DENND1B: variants seen among roughly 807,000 people sequenced by gnomAD.
DENND1B encodes the protein DENN domain-containing protein 1B.
A neutral mutation model predicts 90.1 loss-of-function variants in DENND1B; 59 were observed. The ratio of observed to expected loss-of-function variants is 0.65; its 90% CI spans 0.53 to 0.81. The LOEUF (loss-of-function observed/expected upper bound fraction) is 0.81. Ranked by LOEUF, DENND1B falls within the 40% of genes least tolerant of loss-of-function variation. DENND1B has a pLI of 0.00. For synonymous variants in DENND1B, 337 were observed against 324.6 expected (o/e 1.04, Z -0.41); for missense variants, 862 against 912.6 (o/e 0.94, Z 0.71).
chr1:197,731,831 TTTCTCAAGCTACACAGCA>T (rs1271924639), intron 2 of DENND1B, among the ~76,000 whole-genome samples: 146 of 152,308 alleles, frequency 9.6e-4, no homozygotes, highest in African/African-American at 3.3e-3. Context: ...ATACATGATC[TTTCTCAAGCTACACAGCA>T]CTCTGTGCCT....
At chr1:197,588,203 A>C (rs1483222371) in intron 14 of DENND1B, among the ~76,000 whole-genome samples, 1 of 152,202 alleles carries the variant, frequency 6.6e-6, no homozygotes, top group Non-Finnish European at 1.5e-5. Flanking sequence ...TTTATATAGA[A>C]TAATTAAGCC....
At chr1:197,770,723 TATAA>T (rs1332048619) in intron 2 of DENND1B, among the ~76,000 whole-genome samples, 5 of 140,966 alleles carry the variant, frequency 3.5e-5, no homozygotes, top group Non-Finnish European at 3.1e-5. Flanking sequence ...AATATATATC[TATAA>T]ATATATATAA....
Position 197,723,607 on chromosome 1 carries a change from A to T in DENND1B, c.83-8533T>A, listed in dbSNP as rs76235471. On this transcript the variant is annotated intron_variant, in intron 2 of 22. Coordinates refer to ENST00000620048, the MANE Select transcript of DENND1B (RefSeq NM_001195215.2). ...AACGTTTTTATAAGAACACAGGGAA[A>T]AAAAGTTAATAGGTTGCTTGTAGAA... Among the ~76,000 whole-genome samples, 104 of 152,308 alleles carry T rather than the reference A, an allele frequency of 6.8e-4. No homozygotes were observed. In the East Asian group the frequency reaches 0.02, roughly 29 times the overall value.
At chr1:197,736,093 T>C (rs998576561) in intron 2 of DENND1B, 3 of 771,726 alleles carry the variant, frequency 3.9e-6, no homozygotes, top group African/African-American at 1.8e-5. Flanking sequence ...AGTTCTCGAG[T>C]TGGTGGAAAA....
At chr1:197,577,473 T>A (rs1005281138) in intron 15 of DENND1B, among the ~76,000 whole-genome samples, 2 of 152,126 alleles carry the variant, frequency 1.3e-5, no homozygotes, top group African/African-American at 4.8e-5. Context: ...TATATTACTA[T>A]ATGAATGGTA....
chr1:197,601,485 C>T (rs1676206804), intron 13 of DENND1B, among the ~76,000 whole-genome samples: 1 of 150,246 alleles, frequency 6.7e-6, no homozygotes, highest in South Asian at 2.1e-4. Flanking sequence ...AAATAAATTG[C>T]AAATAATTTT....
At chr1:197,667,729 C>T (rs1219337264) in intron 5 of DENND1B, among the ~76,000 whole-genome samples, 2 of 152,198 alleles carry the variant, frequency 1.3e-5, no homozygotes, top group East Asian at 1.9e-4. Flanking sequence ...TGCTATGTCA[C>T]CATGATCACC....
chr1:197,577,594 T>C (rs978425938), intron 15 of DENND1B, among the ~76,000 whole-genome samples: 1 of 152,260 alleles, frequency 6.6e-6, no homozygotes, highest in African/African-American at 2.4e-5. Context: ...TAACAAGCAA[T>C]GTACAGAAGA....
In DENND1B at chr1:197,730,571, T is replaced by C. The variant is rs960823119; in HGVS notation, c.83-15497A>G. On this transcript the variant is annotated intron_variant, in intron 2 of 22. Coordinates refer to ENST00000620048, the MANE Select transcript of DENND1B (RefSeq NM_001195215.2). ...TATTTTTTATCTCTGTATTATGACA[T>C]GGGAACTTAAATTGGAAAAGAAAAA... Among the ~76,000 whole-genome samples, 57 of 152,124 alleles carry C rather than the reference T, an allele frequency of 3.7e-4. 1 individual carries two copies. Among genetic ancestry groups the C allele is most frequent in the Admixed American group, 2.1e-3 (32 of 15,260 alleles).
At chr1:197,562,525 G>GTAAC (rs969994078) in intron 15 of DENND1B, among the ~76,000 whole-genome samples, 33 of 151,902 alleles carry the variant, frequency 2.2e-4, no homozygotes, top group Non-Finnish European at 4.9e-4. Context: ...GATCTTTGAT[G>GTAAC]TAACTATCAT....
At chr1:197,594,744 G>A (rs1380764677) in intron 14 of DENND1B, among the ~76,000 whole-genome samples, 1 of 151,964 alleles carries the variant, frequency 6.6e-6, no homozygotes, top group Non-Finnish European at 1.5e-5. Context: ...CTTAGCAAAG[G>A]GTCATGAATT....
In DENND1B at chr1:197,724,055, C is replaced by T. The variant is rs144727577; in HGVS notation, c.83-8981G>A. 3.1e-4 allele frequency among the ~76,000 whole-genome samples: 47 copies of T among 152,176 alleles called. No homozygotes were observed. The East Asian group carries it at 7.5e-3, about 24-fold the overall frequency. ...GTAATTTTGGGTAGATGTGCAAATG[C>T]TTCAAAGCTTTCTTGCTTGATATAA... On this transcript the variant is annotated intron_variant, in intron 2 of 22. Transcript: ENST00000620048.
chr1:197,529,111 C>T (rs1403129677), intron 20 of DENND1B, among the ~76,000 whole-genome samples: 3 of 150,166 alleles, frequency 2.0e-5, no homozygotes, highest in African/African-American at 7.4e-5. Context: ...AATAACTTTC[C>T]ACTCATTTTC....
intron 5 of DENND1B, among the ~76,000 whole-genome samples, chr1:197,660,509 A>G (rs1428870831): frequency 6.6e-6 from 1 of 151,950 alleles, no homozygotes; most frequent in Non-Finnish European, 1.5e-5. Flanking sequence ...TTTTCCCAGA[A>G]CTTCAGACAT....
intron 15 of DENND1B, 70 bp from the exon 16 acceptor site, chr1:197,553,182 TTTA>T: frequency 7.8e-7 from 1 of 1,276,226 alleles, no homozygotes; most frequent in Non-Finnish European, 1.1e-6. Flanking sequence ...AATTTTTCAT[TTTA>T]TAAGGTTAGA....
chr1:197,736,251 T>C (rs774329879), intron 2 of DENND1B: 3 of 401,776 alleles, frequency 7.5e-6, no homozygotes, highest in Non-Finnish European at 9.2e-6. Flanking sequence ...TGAACTTGAA[T>C]AGCAAAAATT....
intron 20 of DENND1B, among the ~76,000 whole-genome samples, chr1:197,520,366 C>A (rs968575928): frequency 6.6e-6 from 1 of 151,874 alleles, no homozygotes; most frequent in Non-Finnish European, 1.5e-5. Flanking sequence ...AACTTTATTC[C>A]TCATTGTATG....
At chr1:197,544,585 C>A (rs1173973832) in intron 18 of DENND1B, among the ~76,000 whole-genome samples, 3 of 152,040 alleles carry the variant, frequency 2.0e-5, no homozygotes, top group African/African-American at 4.8e-5. Context: ...CGGTGTCCAA[C>A]CTTTTGGCTT....
At chr1:197,625,318 A>C (rs1030032641) in intron 10 of DENND1B, among the ~76,000 whole-genome samples, 2 of 152,258 alleles carry the variant, frequency 1.3e-5, no homozygotes, top group African/African-American at 4.8e-5. Flanking sequence ...CAGATCTCTC[A>C]GCAGAAACGC....
Sources: gnomAD v4.1 joint callset for allele counts (sites outside exome capture counted in the v4.1 genomes callset) on GRCh38, gnomAD v4.1.1 for gene constraint, MANE v1.5 for transcripts, NCBI Gene and HGNC (gene_info 2026-07-23, HGNC 2026-07-21) for gene names.